Variants in PCSK7 observed in about 807,000 individuals in gnomAD.
PCSK7 encodes the protein proprotein convertase subtilisin/kexin type 7.
In PCSK7, 38 loss-of-function variants were observed where a neutral mutation model predicts 73.3. That is an observed-to-expected ratio of 0.52 (90% CI 0.40 to 0.68). PCSK7 has a LOEUF of 0.68. PCSK7 is among the 30% of genes least tolerant of loss of function. PCSK7 has a pLI of 0.00. For synonymous variants in PCSK7, 296 were observed against 383.8 expected, an observed-to-expected ratio of 0.77 and a Z score of 2.68; for missense variants, 692 against 991.5, an observed-to-expected ratio of 0.70 and a Z score of 4.06.
intron 12 of PCSK7, chr11:117,213,673 T>G (rs1323424381): frequency 2.0e-5 from 3 of 152,184 alleles, no homozygotes; most frequent in Admixed American, 6.5e-5. Flanking sequence ...AAAGGAGTGC[T>G]TGTCTGCGTT....
chr11:117,228,777 C>T (rs925967557), intron 3 of PCSK7, among the ~76,000 whole-genome samples: 4 of 152,052 alleles, frequency 2.6e-5, no homozygotes, highest in Admixed American at 6.6e-5. Flanking sequence ...CCTGCCACCA[C>T]GCCTGGCTAA....
At position 117,229,376 on chromosome 11, in the gene PCSK7, C is replaced by CCG; in HGVS notation, c.468_468+1insCG (p.Asn157ArgfsTer13). The CCG allele has an allele frequency of 6.2e-7, 1 of 1,602,392 alleles. No individual in the cohort carries two copies. Among genetic ancestry groups the CCG allele is most frequent in the Non-Finnish European group, 8.5e-7 (1 of 1,178,438 alleles). On this transcript the variant is annotated frameshift_variant and splice_region_variant. Coordinates refer to ENST00000320934, the MANE Select transcript of PCSK7 (RefSeq NM_004716.4). LOFTEE classifies it high-confidence loss of function. The stretch of plus-strand genomic sequence containing the variant: ...ACTGCAAACTGCAGGACTGGACTCA[C>CCG]CAGGTGCCATTGCTGCGGGTACTTG...
rs201184697 is a variant in PCSK7, at chr11:117,206,224, G to A, written c.2131C>T (p.Arg711Trp). The A allele has an allele frequency of 3.2e-4, 518 of 1,614,134 alleles. 6 individuals are homozygous for A. In the East Asian group the frequency reaches 0.01, roughly 32 times the overall value. ...SGPCHWPHRS[R>W]KAKEEGTELE... ...TCTGTCCCTTCCTCCTTGGCTTTCC[G>A]GCTCCGATGGGGCCAGTGGCAGGGT... Residue 711 changes from arginine to tryptophan, a missense_variant, in exon 17 of 17, where the codon CGG (arginine) becomes TGG (tryptophan). Arg to Trp is a moderately radical substitution (Grantham distance 101). Around this residue, in one of 6 missense-constraint regions of PCSK7, gnomAD observed 78 missense variants for 102.6 expected, o/e 0.76. Transcript: ENST00000320934.
chr11:117,214,839 C>T (rs866141746), intron 12 of PCSK7: 1 of 152,302 alleles, frequency 6.6e-6, no homozygotes, highest in South Asian at 2.1e-4. Flanking sequence ...ACAGGACTCA[C>T]TGCGTAGGCA....
chr11:117,220,137 A>G (rs1424412998), intron 9 of PCSK7: 1 of 163,778 alleles, frequency 6.1e-6, no homozygotes, highest in African/African-American at 2.4e-5. Context: ...TCCTAACAGA[A>G]TATCTGGAGA....
At chr11:117,211,279 T>G (rs1565304547) in intron 12 of PCSK7, 1 of 152,228 alleles carries the variant, frequency 6.6e-6, no homozygotes, top group Admixed American at 6.5e-5. Flanking sequence ...CCCAGCTAAT[T>G]TTTGTAGTTT....
rs145932578 is a variant in PCSK7, at chr11:117,228,312, C to T, written c.507G>A (p.Thr169=). Residue 169 remains threonine, a synonymous_variant, in exon 4 of 17, where the codon ACG becomes ACA. Transcript: ENST00000320934. ...CAGTCACATTGCGTTCCCACACACC[C>T]GTCACGTTGATGTCCCTGCCCGGGC... ...RRSPGRDINV[T]GVWERNVTGR... The T allele has an allele frequency of 6.6e-5, 106 of 1,614,016 alleles. No homozygotes were observed. Among genetic ancestry groups the T allele is most frequent in the Non-Finnish European group, 8.3e-5 (98 of 1,179,902 alleles).
At chr11:117,224,580 C>CT (rs1565315533) in intron 7 of PCSK7, 121 bp downstream of exon 7, 5 of 856,964 alleles carry the variant, frequency 5.8e-6, no homozygotes, top group Non-Finnish European at 1.0e-5. Context: ...TAGGTGTTCT[C>CT]TTCCTGAAAG....
chr11:117,226,216 A>T, intron 5 of PCSK7, 195 bp from the exon 6 acceptor site: 1 of 576,248 alleles, frequency 1.7e-6, no homozygotes, highest in Non-Finnish European at 3.1e-6. Context: ...GGCTCACTGC[A>T]GCCTCCACCT....
Position 117,204,984 on chromosome 11 carries a change from C to T in PCSK7, c.*1013G>A, listed in dbSNP as rs1211436085. 2.1e-5 allele frequency: 4 copies of T among 194,492 alleles called. No homozygotes were observed. The highest frequency in any genetic ancestry group is 9.3e-5 in the African/African-American group (4 of 42,956). The allele number at this position is 194,492 out of a possible 1,614,324, so 12.0% of individuals were successfully genotyped here. A position where few individuals can be genotyped will look rare whatever the true frequency, so the allele number is the denominator to read the frequency against. On this transcript the variant is annotated 3_prime_UTR_variant, in exon 17 of 17. Transcript: ENST00000320934. ...CAGGCCATAGAACAGGAGAGTGAAT[C>T]TTGGGGACCGAAGGGAAAAAGGAGC...
At chr11:117,211,908 G>A (rs1184057317) in intron 12 of PCSK7, 1 of 152,178 alleles carries the variant, frequency 6.6e-6, no homozygotes, top group Non-Finnish European at 1.5e-5. Flanking sequence ...GGTTTGAGAC[G>A]AGGATTAAAC....
In PCSK7 at chr11:117,229,530, C is replaced by T. The variant is rs1369314040; in HGVS notation, c.315G>A (p.Arg105=). 3.1e-6 allele frequency: 5 copies of T among 1,613,178 alleles called. No homozygotes were observed. The highest frequency in any genetic ancestry group is 1.1e-5 in the South Asian group (1 of 91,096). The part of the protein sequence containing the change: ...HYLFVQPAGH[R]PALEVEAIRQ... ...GGATGGCCTCCACCTCCAGGGCCGGCCTGTGCCCAGCAGGCTGGACAAAGA... is the reference window on the plus strand; with the variant it reads ...GGATGGCCTCCACCTCCAGGGCCGGTCTGTGCCCAGCAGGCTGGACAAAGA... Residue 105 remains arginine (R), a synonymous_variant, in exon 3 of 17, where the codon AGG becomes AGA. Transcript: ENST00000320934.
intron 3 of PCSK7, 34 bp from the exon 4 acceptor site, chr11:117,228,384 C>T: frequency 1.2e-6 from 2 of 1,605,760 alleles, no homozygotes; most frequent in Non-Finnish European, 1.7e-6. Flanking sequence ...TACAGTGACA[C>T]ATAGCACAGC....
In PCSK7 at chr11:117,229,510, G is replaced by C; in HGVS notation, c.335C>G (p.Ala112Gly). ...CACAGCCTCCACCTGCTGCCGGATG[G>C]CCTCCACCTCCAGGGCCGGCCTGTG... is the stretch of plus-strand genomic sequence containing the variant. ...AGHRPALEVE[A>G]IRQQVEAVLA... Residue 112 changes from alanine (A) to glycine (G), a missense_variant, in exon 3 of 17, where the codon GCC becomes GGC. Around this residue, in one of 6 missense-constraint regions of PCSK7, gnomAD observed 574 missense variants for 689.8 expected, o/e 0.83. Transcript: ENST00000320934. 1 of 1,612,710 alleles carries C rather than the reference G, an allele frequency of 6.2e-7. No homozygotes were observed. Among genetic ancestry groups the C allele is most frequent in the African/African-American group, 1.3e-5 (1 of 75,074 alleles).
At chr11:117,228,487 G>C in intron 3 of PCSK7, 137 bp from the exon 4 acceptor site, 1 of 703,060 alleles carries the variant, frequency 1.4e-6, no homozygotes, top group Non-Finnish European at 2.5e-6. Context: ...GGTCAGGTGG[G>C]AACAGAGTCA....
rs1277966156 is a variant in PCSK7, at chr11:117,206,344, C to T, written c.2011G>A (p.Val671Ile). Reference protein sequence around the residue: ...TPNTLKTLVLVGCFTVFWTVY... With the variant: ...TPNTLKTLVLIGCFTVFWTVY... The stretch of plus-strand genomic sequence containing the variant: ...GTCCAGAAGACGGTGAAACAGCCTA[C>T]CAGCACCAGGGTCTGGGGCCGAGGC... Residue 671 changes from valine (V) to isoleucine (I), a missense_variant, in exon 17 of 17, where the codon GTA (valine) becomes ATA (isoleucine). By Grantham distance (29) the Val-to-Ile change is conservative (BLOSUM62 3). Transcript: ENST00000320934. The T allele has an allele frequency of 2.5e-6, 4 of 1,608,738 alleles. No homozygotes were observed. The highest frequency in any genetic ancestry group is 3.4e-6 in the Non-Finnish European group (4 of 1,176,144).
rs1242127 is a variant in PCSK7 at position 117,205,848 on chromosome 11, A to C, written c.*149T>G. The C allele has an allele frequency of 1.6e-6, 1 of 633,344 alleles. No homozygotes were observed. Among genetic ancestry groups the C allele is most frequent in the East Asian group, 3.1e-5 (1 of 31,772 alleles). The allele number at this position is 633,344 out of a possible 1,614,324, so 39.2% of individuals were successfully genotyped here. A position where few individuals can be genotyped will look rare whatever the true frequency, so the allele number is the denominator to read the frequency against. On this transcript the variant is annotated 3_prime_UTR_variant, in exon 17 of 17. Coordinates refer to ENST00000320934, the MANE Select transcript of PCSK7 (RefSeq NM_004716.4). ...CAGACTTCTCTGGCAGCAATCCTCC[A>C]CCATTTGTATCTTAAGAAGGCCCTC... is the stretch of plus-strand genomic sequence containing the variant.
In PCSK7 at chr11:117,204,527, C is replaced by T; in HGVS notation, c.*1470G>A. On this transcript the variant is annotated 3_prime_UTR_variant, in exon 17 of 17. Coordinates refer to ENST00000320934, the MANE Select transcript of PCSK7 (RefSeq NM_004716.4). ...CACCTGGGCAGCTCCTCCCTGTGCC[C>T]CCAGCCTCAGCCCAACTTCTTACCC... 9.4e-7 allele frequency: 1 copy of T among 1,065,014 alleles called. No homozygotes were observed. The highest frequency in any genetic ancestry group is 1.4e-6 in the Non-Finnish European group (1 of 715,936). 66.0% of individuals were successfully genotyped at this position (1,065,014 alleles called of 1,614,324 possible).
intron 12 of PCSK7, chr11:117,213,209 GAACT>G (rs1231787255): frequency 6.6e-6 from 1 of 152,224 alleles, no homozygotes; most frequent in African/African-American, 2.4e-5. Context: ...CGAGTCTCTA[GAACT>G]AATACAGTGC....
Sources: allele counts gnomAD v4.1 joint callset (sites outside exome capture counted in the v4.1 genomes callset), GRCh38; gene constraint gnomAD v4.1.1; regional missense constraint gnomAD v4.1.1; transcripts MANE v1.5; gene names NCBI Gene and HGNC (gene_info 2026-07-23, HGNC 2026-07-21).